The following ARHGEF3 variants were observed in gnomAD, a reference collection of about 807,000 sequenced individuals.
The protein encoded by ARHGEF3 is Rho guanine nucleotide exchange factor 3.
A neutral mutation model predicts 63.2 loss-of-function variants in ARHGEF3; 28 were observed. The ratio of observed to expected loss-of-function variants is 0.44; its 90% CI spans 0.33 to 0.61. The LOEUF is 0.61. Ranked by LOEUF, ARHGEF3 falls within the 20% of genes least tolerant of loss-of-function variation. ARHGEF3 has a pLI of 0.03. For missense variants in ARHGEF3, 533 were observed against 659.3 expected, an observed-to-expected ratio of 0.81 and a Z score of 2.10; for synonymous variants, 266 against 254.2, an observed-to-expected ratio of 1.05 and a Z score of -0.44.
intron 2 of ARHGEF3, among the ~76,000 whole-genome samples, chr3:56,988,737 C>T (rs1247908414): frequency 1.3e-5 from 2 of 152,122 alleles, no homozygotes; most frequent in Non-Finnish European, 2.9e-5. Context: ...AGGTGTGAAG[C>T]TCACGAGTTT....
chr3:56,814,925 C>T (rs6802617), intron 4 of ARHGEF3, among the ~76,000 whole-genome samples: 113,828 of 151,906 alleles, frequency 0.75, 42,808 homozygotes, highest in Admixed American at 0.77. Flanking sequence ...GCCCAGGAGT[C>T]TGAGACTAGC....
chr3:56,729,737 CA>C, intron 9 of ARHGEF3, 115 bp from the exon 10 acceptor site: 2 of 860,142 alleles, frequency 2.3e-6, no homozygotes, highest in Non-Finnish European at 3.6e-6. Flanking sequence ...TTGCTGATAA[CA>C]AAACGTTTCC....
In ARHGEF3 at chr3:56,748,223, T is replaced by G. The variant is rs547084543; in HGVS notation, c.613-2761A>C. On this transcript the variant is annotated intron_variant, in intron 6 of 9. Coordinates refer to ENST00000296315, the MANE Select transcript of ARHGEF3 (RefSeq NM_019555.3). Reference sequence around the variant, plus strand: ...TAATATTTTTTTTGTAGAGACAGGGTTTCGCCATGTTGCCCAGGCTGGTCT... The same window carrying G: ...TAATATTTTTTTTGTAGAGACAGGGGTTCGCCATGTTGCCCAGGCTGGTCT... 4.6e-5 allele frequency among the ~76,000 whole-genome samples: 7 copies of G among 152,218 alleles called. No homozygotes were observed. In the South Asian group the frequency reaches 1.5e-3, roughly 32 times the overall value.
At chr3:56,982,049 C>CTGGG (rs1429187604) in intron 2 of ARHGEF3, among the ~76,000 whole-genome samples, 1 of 152,174 alleles carries the variant, frequency 6.6e-6, no homozygotes, top group East Asian at 1.9e-4. Context: ...CTGGGACAGG[C>CTGGG]ACTGAGCTGA....
At position 56,729,258 on chromosome 3, in the gene ARHGEF3, C is replaced by T. The variant is rs754211681; in HGVS notation, c.*12G>A. The stretch of plus-strand genomic sequence containing the variant: ...AGATGCAGGCCTGCTTCCCGAAGTG[C>T]ACATGCTTCTGTCAGACGTTACTTT... On this transcript the variant is annotated 3_prime_UTR_variant, in exon 10 of 10. Coordinates refer to ENST00000296315, the MANE Select transcript of ARHGEF3 (RefSeq NM_019555.3). The T allele has an allele frequency of 1.9e-6, 3 of 1,602,096 alleles. No homozygotes were observed. The highest frequency in any genetic ancestry group is 3.4e-5 in the Admixed American group (2 of 59,462).
chr3:56,843,257 ATTTTTAT>A lies in ARHGEF3; in HGVS notation c.192+39028_192+39034del, dbSNP rs569063107. 7.1e-4 allele frequency among the ~76,000 whole-genome samples: 108 copies of A among 152,050 alleles called. 3 individuals are homozygous for A. The South Asian group carries it at 0.02, about 28-fold the overall frequency. ...ATCATACTTAAATTTCTGTAACTCC[ATTTTTAT>A]TTTTTATTTTTCTAAGACAGGGTCT... On this transcript the variant is annotated intron_variant, in intron 4 of 12. Transcript: ENST00000338458.
At chr3:56,994,137 G>T (rs1462250420) in intron 2 of ARHGEF3, among the ~76,000 whole-genome samples, 1 of 145,038 alleles carries the variant, frequency 6.9e-6, no homozygotes, top group African/African-American at 2.5e-5. Flanking sequence ...TTTCATAGTT[G>T]TTATGATTAT....
chr3:56,791,418 A>T (rs2037071633), intron 1 of ARHGEF3, among the ~76,000 whole-genome samples: 1 of 152,096 alleles, frequency 6.6e-6, no homozygotes, highest in African/African-American at 2.4e-5. Flanking sequence ...ACTCCAGCCT[A>T]GGCAACAGAA....
intron 3 of ARHGEF3, among the ~76,000 whole-genome samples, chr3:56,915,749 C>T (rs1157762583): frequency 6.6e-6 from 1 of 152,168 alleles, no homozygotes; most frequent in Admixed American, 6.5e-5. Context: ...ACACCAGGAT[C>T]ACTTTAGGGA....
intron 4 of ARHGEF3, among the ~76,000 whole-genome samples, chr3:56,879,228 G>C (rs1394070071): frequency 6.6e-6 from 1 of 152,134 alleles, no homozygotes; most frequent in Non-Finnish European, 1.5e-5. Context: ...ACCCCACCCG[G>C]TCAGTGGAAA....
upstream of ARHGEF3, among the ~76,000 whole-genome samples, chr3:56,804,915 C>G (rs2037806204): frequency 6.6e-6 from 1 of 152,176 alleles, no homozygotes; most frequent in African/African-American, 2.4e-5. Flanking sequence ...CAGGGCTTGT[C>G]TGGCCACCAA....
intron 2 of ARHGEF3, among the ~76,000 whole-genome samples, chr3:56,970,378 C>T (rs1479045472): frequency 6.6e-6 from 1 of 152,072 alleles, no homozygotes; most frequent in East Asian, 1.9e-4. Flanking sequence ...AGAGAAAATT[C>T]AGTAAATAAG....
At chr3:56,762,442 T>C (rs769038023) in intron 2 of ARHGEF3, among the ~76,000 whole-genome samples, 3 of 151,914 alleles carry the variant, frequency 2.0e-5, no homozygotes, top group Non-Finnish European at 4.4e-5. Context: ...AAGCTGGATA[T>C]GTGGAAAAGA....
At chr3:56,951,931 C>G (rs1375132600) in intron 3 of ARHGEF3, among the ~76,000 whole-genome samples, 2 of 152,006 alleles carry the variant, frequency 1.3e-5, no homozygotes, top group African/African-American at 4.8e-5. Context: ...TTGTGTGACT[C>G]TAGGCAAGTT....
At chr3:57,040,707 A>G (rs1396918909) in intron 1 of ARHGEF3, among the ~76,000 whole-genome samples, 4 of 152,166 alleles carry the variant, frequency 2.6e-5, no homozygotes, top group East Asian at 3.9e-4. Context: ...CTGTGCTTCA[A>G]TAAGATGCTT....
chr3:56,991,292 G>T (rs1701736560), intron 2 of ARHGEF3, among the ~76,000 whole-genome samples: 1 of 151,984 alleles, frequency 6.6e-6, no homozygotes, highest in African/African-American at 2.4e-5. Flanking sequence ...ATTCATTCAA[G>T]AAACAGTCAC....
At chr3:57,023,144 A>G (rs575371413) in intron 2 of ARHGEF3, among the ~76,000 whole-genome samples, 2 of 152,324 alleles carry the variant, frequency 1.3e-5, no homozygotes, top group East Asian at 3.9e-4. Flanking sequence ...AAGCTCCATC[A>G]GGGCAGGGAC....
At chr3:57,028,071 G>A (rs1343546204) in intron 2 of ARHGEF3, among the ~76,000 whole-genome samples, 3 of 150,798 alleles carry the variant, frequency 2.0e-5, no homozygotes, top group Non-Finnish European at 3.0e-5. Context: ...TGGAGAAATA[G>A]GAACACTTTT....
chr3:56,989,134 G>C (rs979881448), intron 2 of ARHGEF3, among the ~76,000 whole-genome samples: 1 of 152,212 alleles, frequency 6.6e-6, no homozygotes, highest in African/African-American at 2.4e-5. Flanking sequence ...ATGCCTCCCG[G>C]AGGGCTCCAG....
Sources: allele counts gnomAD v4.1 joint callset (sites outside exome capture counted in the v4.1 genomes callset), GRCh38; gene constraint gnomAD v4.1.1; transcripts MANE v1.5; gene names NCBI Gene and HGNC (gene_info 2026-07-23, HGNC 2026-07-21).